The following REEP5 variants were observed in gnomAD, a reference collection of about 807,000 sequenced individuals.
REEP5 encodes the protein receptor expression-enhancing protein 5.
In REEP5, 24 loss-of-function variants were observed where a neutral mutation model predicts 22.4. The observed-to-expected ratio is 1.07, with a 90% confidence interval of 0.78 to 1.51. The LOEUF (loss-of-function observed/expected upper bound fraction) is 1.51, where lower values mean the gene tolerates loss of function less well. Ranked by LOEUF, REEP5 falls within the 40% of genes most tolerant of loss-of-function variation. The pLI is 0.00. For missense variants in REEP5, 252 were observed against 233.0 expected (o/e 1.08, Z -0.53); for synonymous variants, 103 against 88.6 (o/e 1.16, Z -0.92).
chr5:112,892,297 A>T (rs199946572), intron 3 of REEP5: 701 of 1,614,000 alleles, frequency 4.3e-4, no homozygotes, highest in Middle Eastern at 3.9e-3. Context: ...GGAGCAGTGC[A>T]GGAGGGATGA....
chr5:112,887,283 C>T, intron 3 of REEP5, 100 bp from the exon 4 acceptor site: 1 of 1,138,962 alleles, frequency 8.8e-7, no homozygotes. Flanking sequence ...GGAGATGCCT[C>T]TGTTATTTTC....
At chr5:112,893,535 T>TC (rs2150040729) in intron 3 of REEP5, 1 of 154,870 alleles carries the variant, frequency 6.5e-6, no homozygotes, top group East Asian at 1.9e-4. Context: ...TCTTCACCTT[T>TC]CCTATTCCTT....
intron 3 of REEP5, among the ~76,000 whole-genome samples, chr5:112,887,417 A>G (rs1000948532): frequency 3.9e-5 from 6 of 152,242 alleles, no homozygotes; most frequent in African/African-American, 7.2e-5. Flanking sequence ...AAAACACACC[A>G]GGTCCAGGAG....
intron 2 of REEP5, among the ~76,000 whole-genome samples, chr5:112,910,600 C>T (rs1769081578): frequency 6.6e-6 from 1 of 152,148 alleles, no homozygotes; most frequent in Non-Finnish European, 1.5e-5. Flanking sequence ...AATCTAGATA[C>T]CATATATATG....
At chr5:112,892,111 T>C (rs771419377) in intron 3 of REEP5, 45 of 1,613,878 alleles carry the variant, frequency 2.8e-5, no homozygotes, top group Middle Eastern at 1.6e-4. Context: ...TAGTACCACA[T>C]GGCAAAACCC....
chr5:112,890,107 G>A (rs912723400), intron 3 of REEP5, among the ~76,000 whole-genome samples: 3 of 150,254 alleles, frequency 2.0e-5, no homozygotes, highest in East Asian at 2.1e-4. Flanking sequence ...GATTACAGGC[G>A]TGAGCCACCG....
At chr5:112,878,923 C>T in intron 4 of REEP5, 88 bp from the exon 5 acceptor site, 25 of 1,598,122 alleles carry the variant, frequency 1.6e-5, no homozygotes, top group Non-Finnish European at 2.1e-5. Context: ...AATGTAGCTA[C>T]TAGATAACAA....
chr5:112,920,635 G>A (rs1315794398), intron 2 of REEP5, among the ~76,000 whole-genome samples: 1 of 152,096 alleles, frequency 6.6e-6, no homozygotes, highest in Non-Finnish European at 1.5e-5. Context: ...AAAGGTTTTT[G>A]TTTTTACACT....
intron 2 of REEP5, among the ~76,000 whole-genome samples, chr5:112,917,853 A>T (rs1034598586): frequency 6.6e-6 from 1 of 152,186 alleles, no homozygotes; most frequent in African/African-American, 2.4e-5. Context: ...GCTGGGTAGG[A>T]GGAATAGGGA....
chr5:112,908,689 G>A (rs908041713), intron 2 of REEP5, among the ~76,000 whole-genome samples: 22 of 151,348 alleles, frequency 1.5e-4, no homozygotes, highest in Admixed American at 9.2e-4. Flanking sequence ...CAGCGCCCAC[G>A]ACCACGACAG....
chr5:112,885,724 A>C lies in REEP5; in HGVS notation c.520+1291T>G, dbSNP rs1768222881. ...TCTGTCAGTGGGGACATTATCAGCC[A>C]AGCTTGAAGCTATTAATGAACTAAT... On this transcript the variant is annotated intron_variant, in intron 4 of 4. Transcript: ENST00000379638. 1.0e-5 allele frequency: 3 copies of C among 299,150 alleles called. No individual in the cohort carries two copies. The South Asian group carries it at 1.2e-4, about 12-fold the overall frequency. 18.5% of individuals were successfully genotyped at this position (299,150 alleles called of 1,614,324 possible).
Position 112,921,200 on chromosome 5 carries a change from A to C in REEP5, c.175T>G (p.Cys59Gly). ...LVFGYGASLLCNLIGFGYPAY... is the reference protein window; with the variant it reads ...LVFGYGASLLGNLIGFGYPAY... ...GGGTAGCCAAATCCTATCAGGTTGC[A>C]GAGGAGAGAGGCTCCATAACCGAAC... is the stretch of plus-strand genomic sequence containing the variant. Residue 59 changes from cysteine (C) to glycine (G), a missense_variant, in exon 2 of 5, where the codon TGC becomes GGC. By Grantham distance (159) the Cys-to-Gly change is radical (BLOSUM62 -3). Transcript: ENST00000379638. The C allele has an allele frequency of 6.2e-7, 1 of 1,614,160 alleles. No individual in the cohort carries two copies. Among genetic ancestry groups the C allele is most frequent in the Non-Finnish European group, 8.5e-7 (1 of 1,180,030 alleles).
intron 2 of REEP5, among the ~76,000 whole-genome samples, chr5:112,902,921 T>C (rs1049600816): frequency 2.6e-5 from 4 of 152,310 alleles, no homozygotes; most frequent in African/African-American, 7.2e-5. Flanking sequence ...CTTTTAATAA[T>C]TGAGATATAT....
At chr5:112,905,037 A>G (rs139396850) in intron 2 of REEP5, among the ~76,000 whole-genome samples, 185 of 152,358 alleles carry the variant, frequency 1.2e-3, no homozygotes, top group African/African-American at 3.9e-3. Flanking sequence ...AGATTTTTTA[A>G]TAGATCTTCT....
chr5:112,908,088 T>G (rs1203521974), intron 2 of REEP5, among the ~76,000 whole-genome samples: 1 of 76,520 alleles, frequency 1.3e-5, no homozygotes, highest in Non-Finnish European at 2.7e-5. Context: ...ATCAGAGACT[T>G]TCTTTGTTTT....
Position 112,887,067 on chromosome 5 carries a change from G to C in REEP5, c.468C>G (p.Val156=). ...LKHESQMDSV[V]KDLKDKAKET... ...CTTTGGCCTTGTCTTTAAGGTCCTT[G>C]ACCACACTGTCCATCTGGGACTCGT... Residue 156 remains valine (V), a synonymous_variant, in exon 4 of 5, where the codon GTC becomes GTG. Transcript: ENST00000379638. 8 of 1,613,550 alleles carry C rather than the reference G, an allele frequency of 5.0e-6. No individual in the cohort carries two copies. The highest frequency in any genetic ancestry group is 1.1e-5 in the South Asian group (1 of 91,012).
chr5:112,881,719 C>A (rs536391639), intron 4 of REEP5, among the ~76,000 whole-genome samples: 2 of 152,160 alleles, frequency 1.3e-5, no homozygotes, highest in East Asian at 3.9e-4. Flanking sequence ...TGCCTTAGTT[C>A]TTGAAGATTT....
intron 2 of REEP5, among the ~76,000 whole-genome samples, chr5:112,916,686 G>C (rs1402598428): frequency 6.6e-6 from 1 of 152,060 alleles, no homozygotes; most frequent in Non-Finnish European, 1.5e-5. Context: ...TGTGTTTGTG[G>C]GACATTCAAA....
At chr5:112,914,138 T>A (rs1309734882) in intron 2 of REEP5, among the ~76,000 whole-genome samples, 3 of 150,688 alleles carry the variant, frequency 2.0e-5, no homozygotes, top group South Asian at 4.2e-4. Flanking sequence ...TGAGACCCTG[T>A]CTCAAAAAAA....
Sources: allele counts gnomAD v4.1 joint callset (sites outside exome capture counted in the v4.1 genomes callset), GRCh38; gene constraint gnomAD v4.1.1; transcripts MANE v1.5; gene names NCBI Gene and HGNC (gene_info 2026-07-23, HGNC 2026-07-21).